Variants in ZDBF2 observed in about 807,000 individuals in gnomAD.
ZDBF2 encodes DBF4-type zinc finger-containing protein 2.
In ZDBF2, 6 loss-of-function variants were observed where a neutral mutation model predicts 9.4. The ratio of observed to expected loss-of-function variants is 0.64; its 90% CI spans 0.35 to 1.27. ZDBF2 has a LOEUF of 1.27. Among genes scored for constraint, ZDBF2 ranks in the 50% most tolerant of loss-of-function variants. The pLI, the probability that ZDBF2 is intolerant of heterozygous loss-of-function variation, is 0.03. For synonymous variants in ZDBF2, 905 were observed against 946.3 expected (o/e 0.96, Z 0.80); for missense variants, 2,697 against 2,766.8 (o/e 0.97, Z 0.57).
Position 206,309,629 on chromosome 2 carries a change from A to G in ZDBF2, c.5101A>G (p.Lys1701Glu), listed in dbSNP as rs1693036584. ...TCCAAGAAATGCTGGCCTAAAAGGTAAGAGCTGTCAGTCTAGTGCTTCTGC... is the reference window on the plus strand; with the variant it reads ...TCCAAGAAATGCTGGCCTAAAAGGTGAGAGCTGTCAGTCTAGTGCTTCTGC... Reference protein sequence around the residue: ...KDPRNAGLKGKSCQSSASAVD... With the variant: ...KDPRNAGLKGESCQSSASAVD... Residue 1701 changes from lysine (K) to glutamate (E), a missense_variant, in exon 5 of 5, where the codon AAG (lysine) becomes GAG (glutamate). Transcript: ENST00000374423. The G allele has an allele frequency of 1.2e-6, 2 of 1,613,950 alleles. No individual in the cohort carries two copies. The highest frequency in any genetic ancestry group is 4.5e-5 in the East Asian group (2 of 44,882).
intron 4 of ZDBF2, among the ~76,000 whole-genome samples, chr2:206,301,766 A>G (rs1692511657): frequency 6.6e-6 from 1 of 151,452 alleles, no homozygotes. Flanking sequence ...TTTTTGTTTC[A>G]TCTTCATTAA....
chr2:206,288,276 C>T (rs1691700286), intron 3 of ZDBF2, among the ~76,000 whole-genome samples: 1 of 152,152 alleles, frequency 6.6e-6, no homozygotes. Context: ...TGTGGTTACT[C>T]TGTTGCTAGA....
intron 3 of ZDBF2, among the ~76,000 whole-genome samples, chr2:206,294,968 TG>T (rs1692092144): frequency 6.6e-6 from 1 of 152,206 alleles, no homozygotes; most frequent in South Asian, 2.1e-4. Context: ...ACTCTGGTGA[TG>T]GGTCCTGGAC....
intron 1 of ZDBF2, among the ~76,000 whole-genome samples, chr2:206,278,035 G>A (rs1212145714): frequency 6.6e-6 from 1 of 152,042 alleles, no homozygotes; most frequent in Non-Finnish European, 1.5e-5. Flanking sequence ...ATATGAAGGT[G>A]CTCATTATAT....
rs1258702319 is a variant in ZDBF2, at chr2:206,313,644, A to G, written c.*2051A>G. The G allele has an allele frequency of 3.3e-5, 5 of 152,208 alleles. No homozygotes were observed. The highest frequency in any genetic ancestry group is 6.5e-5 in the Admixed American group (1 of 15,288). The allele number at this position is 152,208 out of a possible 1,614,324, so 9.4% of individuals were successfully genotyped here. ...AAGAGATCAAATGAAAATGTGTACTATGTACCTATGATGTGTCATATCGTG... is the reference window on the plus strand; with the variant it reads ...AAGAGATCAAATGAAAATGTGTACTGTGTACCTATGATGTGTCATATCGTG... On this transcript the variant is annotated 3_prime_UTR_variant, in exon 5 of 5. Coordinates refer to ENST00000374423, the MANE Select transcript of ZDBF2 (RefSeq NM_020923.3).
intron 3 of ZDBF2, among the ~76,000 whole-genome samples, chr2:206,287,326 T>C (rs958282593): frequency 6.6e-6 from 1 of 152,258 alleles, no homozygotes; most frequent in African/African-American, 2.4e-5. Flanking sequence ...CTCTCATGTC[T>C]GAAGGATAGC....
intron 1 of ZDBF2, among the ~76,000 whole-genome samples, chr2:206,278,213 C>CT (rs1274012044): frequency 6.6e-6 from 1 of 151,954 alleles, no homozygotes; most frequent in Non-Finnish European, 1.5e-5. Context: ...AAATGCTTTA[C>CT]TTTTGTAATA....
intron 3 of ZDBF2, among the ~76,000 whole-genome samples, chr2:206,282,530 G>A (rs78701005): frequency 0.011 from 1,714 of 152,182 alleles, 36 homozygotes; most frequent in African/African-American, 0.039. Context: ...TACCCAAATC[G>A]GAGAAGTCGA....
intron 3 of ZDBF2, among the ~76,000 whole-genome samples, chr2:206,289,136 C>T (rs776429474): frequency 3.9e-5 from 6 of 152,118 alleles, no homozygotes; most frequent in Non-Finnish European, 7.4e-5. Flanking sequence ...ATGAGGTACT[C>T]AGCCCTGGGG....
chr2:206,277,599 A>G (rs1691086998), intron 1 of ZDBF2, among the ~76,000 whole-genome samples: 2 of 152,036 alleles, frequency 1.3e-5, no homozygotes, highest in South Asian at 2.1e-4. Context: ...AACATTGATG[A>G]TAATTCTGCT....
intron 1 of ZDBF2, among the ~76,000 whole-genome samples, chr2:206,279,184 G>C (rs377508751): frequency 1.2e-4 from 19 of 152,246 alleles, no homozygotes; most frequent in African/African-American, 4.6e-4. Flanking sequence ...CCTGAGCCTC[G>C]GGAAGTTTCT....
Position 206,308,144 on chromosome 2 carries a change from C to T in ZDBF2, c.3616C>T (p.Pro1206Ser). 6.2e-7 allele frequency: 1 copy of T among 1,613,844 alleles called. No individual in the cohort carries two copies. The highest frequency in any genetic ancestry group is 8.5e-7 in the Non-Finnish European group (1 of 1,179,824). The change falls in exon 5 of 5, where the codon CCT becomes TCT. Residue 1206 changes from proline (P) to serine (S), a missense_variant. By Grantham distance (74) the Pro-to-Ser change is moderately conservative (BLOSUM62 -1). Transcript: ENST00000374423. ...TGAAGTAAGTTTTGATTCTGATGAC[C>T]CTCTTCAGTCAGTGGCTGACCGGCT... ...GSEVSFDSDD[P>S]LQSVADRLRE...
rs1338306941 is a variant in ZDBF2, at chr2:206,308,953, G to C, written c.4425G>C (p.Glu1475Asp). 4 of 1,613,534 alleles carry C rather than the reference G, an allele frequency of 2.5e-6. No individual in the cohort carries two copies. The highest frequency in any genetic ancestry group is 1.6e-4 in the Middle Eastern group (1 of 6,062). The change falls in exon 5 of 5, where the codon GAG becomes GAC. Residue 1475 changes from glutamate to aspartate, a missense_variant. By Grantham distance (45) the Glu-to-Asp change is conservative. Around this residue, in one of 3 missense-constraint regions of ZDBF2, gnomAD observed 1,783 missense variants for 1,776.5 expected, o/e 1.00. Coordinates refer to ENST00000374423, the MANE Select transcript of ZDBF2 (RefSeq NM_020923.3). ...EVDQPQVSYK[E>D]ADLQKEEHVV... is the part of the protein sequence containing the mutation. ...ACCAACCTCAAGTGTCTTACAAAGA[G>C]GCAGACCTTCAGAAGGAAGAGCATG...
chr2:206,309,736 T>C lies in ZDBF2; in HGVS notation c.5208T>C (p.Asp1736=), dbSNP rs779513616. 5.6e-6 allele frequency: 9 copies of C among 1,613,758 alleles called. No individual in the cohort carries two copies. The highest frequency in any genetic ancestry group is 7.6e-6 in the Non-Finnish European group (9 of 1,179,886). The change falls in exon 5 of 5, where the codon GAT becomes GAC. Residue 1736 remains aspartate, a synonymous_variant. Coordinates refer to ENST00000374423, the MANE Select transcript of ZDBF2 (RefSeq NM_020923.3). The part of the protein sequence containing the change: ...KKKRSKLKHR[D]LEVSCEPDGF... ...AACGTTCGAAGCTAAAACATAGAGATCTAGAAGTGAGCTGTGAACCGGATG... is the reference window on the plus strand; with the variant it reads ...AACGTTCGAAGCTAAAACATAGAGACCTAGAAGTGAGCTGTGAACCGGATG...
rs769889783 is a variant in ZDBF2, at chr2:206,305,567, G to GT, written c.1044dup (p.Asn349Ter). 1 of 1,613,760 alleles carries GT rather than the reference G, an allele frequency of 6.2e-7. No homozygotes were observed. Among genetic ancestry groups the GT allele is most frequent in the Admixed American group, 1.7e-5 (1 of 59,998 alleles). ...TTGTACCCAAGAAGAAAAGCATTTG[G>GT]TTTTTAACAAGACAGCCTTTTGGGA... On this transcript the variant is annotated frameshift_variant, in exon 5 of 5. Transcript: ENST00000374423. LOFTEE classifies it low-confidence loss of function (END_TRUNC).
At position 206,311,396 on chromosome 2, in the gene ZDBF2, C is replaced by T. The variant is rs1693182010; in HGVS notation, c.6868C>T (p.Pro2290Ser). The T allele has an allele frequency of 1.9e-6, 3 of 1,607,622 alleles. No individual in the cohort carries two copies. Among genetic ancestry groups the T allele is most frequent in the Middle Eastern group, 1.7e-4 (1 of 6,050 alleles). ...EELSSAMANP[P>S]PKRPVRASCR... Reference sequence around the variant, plus strand: ...GCTGTCAAGCGCTATGGCAAATCCTCCTCCAAAGCGACCTGTGCGGGCTTC... The same window carrying T: ...GCTGTCAAGCGCTATGGCAAATCCTTCTCCAAAGCGACCTGTGCGGGCTTC... The change falls in exon 5 of 5, where the codon CCT (proline) becomes TCT (serine). Residue 2290 changes from proline to serine, a missense_variant. Pro to Ser is a moderately conservative substitution (Grantham distance 74, BLOSUM62 -1). Around this residue, in one of 3 missense-constraint regions of ZDBF2, gnomAD observed 1,783 missense variants for 1,776.5 expected, o/e 1.00. Coordinates refer to ENST00000374423, the MANE Select transcript of ZDBF2 (RefSeq NM_020923.3).
At chr2:206,301,934 A>G (rs771732461) in intron 4 of ZDBF2, among the ~76,000 whole-genome samples, 2 of 150,154 alleles carry the variant, frequency 1.3e-5, no homozygotes, top group African/African-American at 4.9e-5. Flanking sequence ...CATATCTCAT[A>G]GTTTTTATTT....
intron 4 of ZDBF2, among the ~76,000 whole-genome samples, chr2:206,299,011 G>T (rs1225586491): frequency 1.3e-5 from 2 of 151,762 alleles, no homozygotes; most frequent in Non-Finnish European, 2.9e-5. Context: ...CTCTCGAGTG[G>T]CTGGGATTAC....
intron 1 of ZDBF2, 136 bp downstream of exon 1, chr2:206,275,082 C>T (rs1183491742): frequency 2.6e-5 from 4 of 152,126 alleles, no homozygotes; most frequent in Non-Finnish European, 5.9e-5. Context: ...CCTCGCAGGT[C>T]CTCGGCTTCC....
Sources: gnomAD v4.1 joint callset for allele counts (sites outside exome capture counted in the v4.1 genomes callset) on GRCh38, gnomAD v4.1.1 for gene constraint, gnomAD v4.1.1 regional missense constraint, MANE v1.5 for transcripts, NCBI Gene and HGNC (gene_info 2026-07-23, HGNC 2026-07-21) for gene names.